The following BTBD8 variants were observed in gnomAD, a reference collection of about 807,000 sequenced individuals.
BTBD8 encodes the protein BTB/POZ domain-containing protein 8.
A neutral mutation model predicts 162.9 loss-of-function variants in BTBD8; 110 were observed. That is an observed-to-expected ratio of 0.68 (90% CI 0.58 to 0.79). BTBD8 has a LOEUF of 0.79. Ranked by LOEUF, BTBD8 falls within the 30% of genes least tolerant of loss-of-function variation. BTBD8 has a pLI of 0.00. For synonymous variants in BTBD8, 667 were observed against 716.1 expected, an observed-to-expected ratio of 0.93 and a Z score of 1.10; for missense variants, 1,905 against 2,085.4, an observed-to-expected ratio of 0.91 and a Z score of 1.68.
intron 4 of BTBD8, among the ~76,000 whole-genome samples, chr1:92,111,524 G>A (rs976799015): frequency 3.3e-5 from 5 of 152,132 alleles, no homozygotes; most frequent in African/African-American, 4.8e-5. Context: ...GTATGATTTA[G>A]TAATTGAGAA....
chr1:92,163,703 G>T (rs1312764710), intron 9 of BTBD8, among the ~76,000 whole-genome samples: 1 of 152,034 alleles, frequency 6.6e-6, no homozygotes, highest in Non-Finnish European at 1.5e-5. Context: ...AACTGTCGTT[G>T]TGTTAACTGT....
intron 4 of BTBD8, among the ~76,000 whole-genome samples, chr1:92,118,824 CTATT>C (rs1649114959): frequency 2.2e-5 from 1 of 44,910 alleles, no homozygotes; most frequent in South Asian, 8.0e-4. Flanking sequence ...TTTTTTTGCT[CTATT>C]TGTTACAACT....
At position 92,087,625 on chromosome 1, in the gene BTBD8, CAT is replaced by C. The variant is rs370424808; in HGVS notation, c.150-1072_150-1071del. Among the ~76,000 whole-genome samples, 24 of 152,138 alleles carry C rather than the reference CAT, an allele frequency of 1.6e-4. No homozygotes were observed. In the East Asian group the frequency reaches 4.6e-3, roughly 29 times the overall value. On this transcript the variant is annotated intron_variant, in intron 1 of 17. Transcript: ENST00000636805. ...GTTCATTGTCTAGTGGGGAGAAAGA[CAT>C]GTAAAAATAATAATGATGCAATGAC...
chr1:92,126,416 C>T, intron 4 of BTBD8: 2 of 903,296 alleles, frequency 2.2e-6, no homozygotes, highest in South Asian at 2.5e-5. Flanking sequence ...AGGCTCAGAC[C>T]TCCTCAAACG....
Position 92,182,595 on chromosome 1 carries a change from G to A in BTBD8, c.4912G>A (p.Gly1638Arg). The A allele has an allele frequency of 6.9e-7, 1 of 1,457,330 alleles. No individual in the cohort carries two copies. Among genetic ancestry groups the A allele is most frequent in the Non-Finnish European group, 9.0e-7 (1 of 1,105,876 alleles). The allele number at this position is 1,457,330 out of a possible 1,614,324, so 90.3% of individuals were successfully genotyped here. Residue 1638 changes from glycine to arginine, a missense_variant and splice_region_variant, in exon 17 of 18, where the codon GGA becomes AGA. This residue lies in a region of BTBD8 where 517 missense variants were observed against 606.6 expected (regional missense o/e 0.85). Coordinates refer to ENST00000636805, the MANE Select transcript of BTBD8 (RefSeq NM_001376131.1). ...TEKANIALSA[G>R]DIDDCDTLAQ... is the part of the protein sequence containing the mutation. Reference sequence around the variant, plus strand: ...AAAAGCTAATATTGCTTTATCTGCAGGTAATGTACAGAAATAGAAATGCTA... The same window carrying A: ...AAAAGCTAATATTGCTTTATCTGCAAGTAATGTACAGAAATAGAAATGCTA...
chr1:92,138,551 C>G (rs1649687818), intron 5 of BTBD8, among the ~76,000 whole-genome samples: 1 of 152,214 alleles, frequency 6.6e-6, no homozygotes, highest in Admixed American at 6.5e-5. Flanking sequence ...TACTTCTTCT[C>G]CATCATCTCT....
chr1:92,172,904 G>C (rs1037567217), intron 13 of BTBD8, among the ~76,000 whole-genome samples: 1 of 152,104 alleles, frequency 6.6e-6, no homozygotes, highest in Non-Finnish European at 1.5e-5. Context: ...CTATAAGTTG[G>C]AGAGTAGCTA....
chr1:92,156,653 T>C (rs1650163894), intron 9 of BTBD8, among the ~76,000 whole-genome samples: 1 of 152,198 alleles, frequency 6.6e-6, no homozygotes, highest in African/African-American at 2.4e-5. Flanking sequence ...TATTTCTTCA[T>C]GATTCAACCT....
At position 92,184,116 on chromosome 1, in the gene BTBD8, T is replaced by A; in HGVS notation, c.5165T>A (p.Leu1722Ter). Residue 1722 changes from leucine to a stop codon, truncating the protein, a stop_gained, in exon 18 of 18, where the codon TTA becomes TAA. Transcript: ENST00000636805. LOFTEE classifies it high-confidence loss of function. ...LDVTNSVPED[L>*]SLAQYLINQT... Reference sequence around the variant, plus strand: ...GTTACAAATTCCGTTCCTGAAGACTTAAGTTTAGCACAGTATCTAATCAAT... The same window carrying A: ...GTTACAAATTCCGTTCCTGAAGACTAAAGTTTAGCACAGTATCTAATCAAT... 1 of 1,551,670 alleles carries A rather than the reference T, an allele frequency of 6.4e-7. No individual in the cohort carries two copies. The highest frequency in any genetic ancestry group is 8.7e-7 in the Non-Finnish European group (1 of 1,146,900).
intron 5 of BTBD8, among the ~76,000 whole-genome samples, chr1:92,131,322 C>T (rs145574161): frequency 1.3e-4 from 20 of 152,150 alleles, no homozygotes; most frequent in African/African-American, 4.8e-4. Context: ...ATGGCGTGGG[C>T]AATACATAGC....
rs1649354945 is a variant in BTBD8, at chr1:92,126,228, A to G, written c.663-3459A>G. 3 of 554,838 alleles carry G rather than the reference A, an allele frequency of 5.4e-6. No homozygotes were observed. In the Admixed American group the frequency reaches 5.9e-5, roughly 11 times the overall value. 34.4% of individuals were successfully genotyped at this position (554,838 alleles called of 1,614,324 possible). On this transcript the variant is annotated intron_variant, in intron 4 of 17. Coordinates refer to ENST00000636805, the MANE Select transcript of BTBD8 (RefSeq NM_001376131.1). ...TATTATTCTAGAGGGGCCAGCTGCT[A>G]TGCTGCAACGTTGATAAGAAAATGA...
intron 9 of BTBD8, among the ~76,000 whole-genome samples, chr1:92,154,975 C>T (rs1650126480): frequency 6.6e-6 from 1 of 152,130 alleles, no homozygotes; most frequent in Admixed American, 6.6e-5. Flanking sequence ...TATTCTTTTG[C>T]TTATGGATAT....
In BTBD8 at chr1:92,125,886, G is replaced by A. The variant is rs1303149394; in HGVS notation, c.663-3801G>A. ...AGGAGAGAGGGATGTCTGTGTCAAT[G>A]ATGAATGAGCAACCAGTGTTGAAGA... On this transcript the variant is annotated intron_variant, in intron 4 of 17. Transcript: ENST00000636805. The A allele has an allele frequency of 7.1e-6, 3 of 425,158 alleles. 1 individual carries two copies. Among genetic ancestry groups the A allele is most frequent in the South Asian group, 6.1e-5 (3 of 48,930 alleles). 26.3% of individuals were successfully genotyped at this position (425,158 alleles called of 1,614,324 possible).
At chr1:92,144,655 A>T (rs562653072) in intron 7 of BTBD8, among the ~76,000 whole-genome samples, 93 of 151,904 alleles carry the variant, frequency 6.1e-4, no homozygotes, top group South Asian at 2.5e-3. Flanking sequence ...AAAAAATTTA[A>T]AAAAAATTAG....
chr1:92,182,606 G>T lies in BTBD8; in HGVS notation c.4912+11G>T. 7.0e-7 allele frequency: 1 copy of T among 1,422,988 alleles called. No individual in the cohort carries two copies. The highest frequency in any genetic ancestry group is 1.6e-5 in the South Asian group (1 of 61,430). The allele number at this position is 1,422,988 out of a possible 1,614,324, so 88.1% of individuals were successfully genotyped here. ...TTGCTTTATCTGCAGGTAATGTACA[G>T]AAATAGAAATGCTAAATGCATAAGA... On this transcript the variant is annotated intron_variant, in intron 17 of 17. Transcript: ENST00000636805.
chr1:92,088,583 T>G (rs1185271630), intron 1 of BTBD8, 115 bp from the exon 2 acceptor site: 9 of 794,348 alleles, frequency 1.1e-5, no homozygotes, highest in Non-Finnish European at 1.6e-5. Context: ...TGTATTAACT[T>G]TATGTTGCCT....
At chr1:92,083,707 T>C (rs895524823) in intron 1 of BTBD8, among the ~76,000 whole-genome samples, 1 of 152,058 alleles carries the variant, frequency 6.6e-6, no homozygotes, top group Non-Finnish European at 1.5e-5. Context: ...ATTAACACAT[T>C]TTGAATCTGG....
chr1:92,137,637 C>T (rs1048716808), intron 5 of BTBD8, among the ~76,000 whole-genome samples: 1 of 152,108 alleles, frequency 6.6e-6, no homozygotes, highest in African/African-American at 2.4e-5. Flanking sequence ...AAAATATTTC[C>T]TTTATTACAG....
intron 9 of BTBD8, among the ~76,000 whole-genome samples, chr1:92,149,956 T>A (rs1356620392): frequency 1.3e-5 from 2 of 152,166 alleles, no homozygotes; most frequent in African/African-American, 4.8e-5. Flanking sequence ...ACGTCCATCT[T>A]TCCTCTTCTC....
Sources: allele counts gnomAD v4.1 joint callset (sites outside exome capture counted in the v4.1 genomes callset), GRCh38; gene constraint gnomAD v4.1.1; regional missense constraint gnomAD v4.1.1; transcripts MANE v1.5; gene names NCBI Gene and HGNC (gene_info 2026-07-23, HGNC 2026-07-21).